The following INTS7 variants were observed in gnomAD, a reference collection of about 807,000 sequenced individuals.
INTS7 encodes the protein integrator complex subunit 7, also known as chromosome 1 open reading frame 73.
A neutral mutation model predicts 109.2 loss-of-function variants in INTS7; 46 were observed. The observed-to-expected ratio is 0.42, with a 90% confidence interval of 0.33 to 0.54. The LOEUF is 0.54. Ranked by LOEUF, INTS7 falls within the 20% of genes least tolerant of loss-of-function variation. The probability of loss-of-function intolerance (pLI) is 0.07; values close to 1 mark genes in which losing one functional copy is unlikely to be tolerated. For synonymous variants in INTS7, 412 were observed against 402.9 expected, an observed-to-expected ratio of 1.02 and a Z score of -0.27; for missense variants, 929 against 1,132.4, an observed-to-expected ratio of 0.82 and a Z score of 2.58.
At chr1:211,994,482 G>A (rs1665287784) in intron 7 of INTS7, among the ~76,000 whole-genome samples, 1 of 144,916 alleles carries the variant, frequency 6.9e-6, no homozygotes, top group African/African-American at 2.6e-5. Flanking sequence ...GGAGTGCAAT[G>A]GCGTGATCTC....
At position 211,942,269 on chromosome 1, in the gene INTS7, G is replaced by C. The variant is rs1662662664; in HGVS notation, c.2602-158C>G. On this transcript the variant is annotated intron_variant, in intron 19 of 19. Coordinates refer to ENST00000366994, the MANE Select transcript of INTS7 (RefSeq NM_015434.4). The surrounding 1 kb of genome is among the most constrained non-coding windows in gnomAD (Gnocchi z 4.2). The stretch of plus-strand genomic sequence containing the variant: ...CTTCACCGATGAGGAGTCTAAGGCA[G>C]ACAGGTTAAGTAATGTCTCCAAAGT... Among the ~76,000 whole-genome samples, 1 of 152,332 alleles carries C rather than the reference G, an allele frequency of 6.6e-6. No individual in the cohort carries two copies. The highest frequency in any genetic ancestry group is 1.9e-4 in the East Asian group (1 of 5,190).
At chr1:211,961,611 T>C (rs1242336711) in intron 16 of INTS7, among the ~76,000 whole-genome samples, 2 of 151,976 alleles carry the variant, frequency 1.3e-5, no homozygotes, top group Non-Finnish European at 2.9e-5. Context: ...GTATTTTTAG[T>C]AGAGACGGGG....
intron 7 of INTS7, among the ~76,000 whole-genome samples, chr1:211,996,381 C>G (rs1665389273): frequency 6.6e-6 from 1 of 152,012 alleles, no homozygotes. Context: ...GAGATAGCAC[C>G]ACAGCACTCC....
At chr1:211,971,248 A>T (rs1664152604) in intron 13 of INTS7, among the ~76,000 whole-genome samples, 1 of 152,208 alleles carries the variant, frequency 6.6e-6, no homozygotes, top group South Asian at 2.1e-4. Context: ...AGATACTGCC[A>T]AATATCCCCT....
At chr1:211,982,364 CA>C (rs1318428538) in intron 9 of INTS7, among the ~76,000 whole-genome samples, 2 of 152,032 alleles carry the variant, frequency 1.3e-5, no homozygotes, top group Non-Finnish European at 2.9e-5. Flanking sequence ...CCACCTTATA[CA>C]AAAGGGGTAG....
Position 211,940,724 on chromosome 1 carries a change from G to C in INTS7, c.*1100C>G, listed in dbSNP as rs1238967398. 6.6e-6 allele frequency: 1 copy of C among 152,166 alleles called. No homozygotes were observed. Among genetic ancestry groups the C allele is most frequent in the African/African-American group, 2.4e-5 (1 of 41,440 alleles). The allele number at this position is 152,166 out of a possible 1,614,324, so 9.4% of individuals were successfully genotyped here. ...ACAAACTGAGCCTGTGTAATAAAGAGACTGCTCTCTCTAAACAATCAGTCT... is the reference window on the plus strand; with the variant it reads ...ACAAACTGAGCCTGTGTAATAAAGACACTGCTCTCTCTAAACAATCAGTCT... On this transcript the variant is annotated 3_prime_UTR_variant, in exon 20 of 20. Transcript: ENST00000366994.
intron 1 of INTS7, among the ~76,000 whole-genome samples, chr1:212,033,774 G>T (rs962015322): frequency 6.6e-6 from 1 of 152,106 alleles, no homozygotes; most frequent in Non-Finnish European, 1.5e-5. Flanking sequence ...AGAATGAGGA[G>T]GAAAGTGTTT....
At chr1:211,992,266 T>C (rs1665179608) in intron 7 of INTS7, among the ~76,000 whole-genome samples, 1 of 152,122 alleles carries the variant, frequency 6.6e-6, no homozygotes, top group African/African-American at 2.4e-5. Flanking sequence ...GATTGCTCTA[T>C]GTATAACAGA....
chr1:212,007,977 C>T (rs1571899917), intron 5 of INTS7, among the ~76,000 whole-genome samples: 2 of 152,176 alleles, frequency 1.3e-5, no homozygotes, highest in East Asian at 3.8e-4. Flanking sequence ...CCCTAATCCA[C>T]GTTTTCCTGT....
chr1:211,955,140 A>C (rs1273225004), intron 16 of INTS7, among the ~76,000 whole-genome samples: 4 of 152,016 alleles, frequency 2.6e-5, no homozygotes, highest in African/African-American at 7.3e-5. Context: ...TAGGTATTTT[A>C]TTCTCTTTGA....
At position 212,035,389 on chromosome 1, in the gene INTS7, C is replaced by T. The variant is rs1012086826; in HGVS notation, c.49G>A (p.Glu17Lys). 6 of 1,613,650 alleles carry T rather than the reference C, an allele frequency of 3.7e-6. No individual in the cohort carries two copies. In the African/African-American group the frequency reaches 6.7e-5, roughly 18 times the overall value. Residue 17 changes from glutamate (E) to lysine (K), a missense_variant, in exon 1 of 20, where the codon GAA (glutamate) becomes AAA (lysine). Physicochemically the swap from Glu to Lys is moderately conservative, Grantham distance 56. This residue lies in a region of INTS7 where 142 missense variants were observed against 231.4 expected (regional missense o/e 0.61). Transcript: ENST00000366994. ...GCAGAGTTGGCATCCAGTTCCTGTT[C>T]GCCATAGCCGGCATCTGCCAGGAAA... ...KSFLADAGYG[E>K]QELDANSALM...
chr1:211,985,823 T>TA (rs1247265253), intron 8 of INTS7, among the ~76,000 whole-genome samples: 1 of 152,194 alleles, frequency 6.6e-6, no homozygotes, highest in Non-Finnish European at 1.5e-5. Context: ...TCATCTATTA[T>TA]ATGATTAAGA....
At chr1:211,977,202 A>C (rs941520532) in intron 11 of INTS7, among the ~76,000 whole-genome samples, 3 of 152,216 alleles carry the variant, frequency 2.0e-5, no homozygotes, top group African/African-American at 7.2e-5. Flanking sequence ...TGGTTACCTG[A>C]GAGAAGGGAG....
At chr1:212,034,574 A>T (rs1667334482) in intron 1 of INTS7, among the ~76,000 whole-genome samples, 1 of 152,238 alleles carries the variant, frequency 6.6e-6, no homozygotes, top group Non-Finnish European at 1.5e-5. Context: ...TTTACTAACA[A>T]ATTTCCGACC....
At chr1:211,961,897 A>G (rs1156294755) in intron 16 of INTS7, among the ~76,000 whole-genome samples, 3 of 152,208 alleles carry the variant, frequency 2.0e-5, no homozygotes, top group Non-Finnish European at 4.4e-5. Flanking sequence ...CTAAATATAG[A>G]AAGGAAAGAC....
rs2102445918 is a variant in INTS7 at position 211,992,863 on chromosome 1, C to T, written c.880-4860G>A. ...TTGTTACCAGGACCATTTTTCATAACAAAAAGGAAAAACTGTCTTTTCAAA... is the reference window on the plus strand; with the variant it reads ...TTGTTACCAGGACCATTTTTCATAATAAAAAGGAAAAACTGTCTTTTCAAA... On this transcript the variant is annotated intron_variant, in intron 7 of 19. Coordinates refer to ENST00000366994, the MANE Select transcript of INTS7 (RefSeq NM_015434.4). Among the ~76,000 whole-genome samples, 2 of 152,142 alleles carry T rather than the reference C, an allele frequency of 1.3e-5. 1 individual carries two copies. The highest frequency in any genetic ancestry group is 4.1e-4 in the South Asian group (2 of 4,820).
intron 1 of INTS7, among the ~76,000 whole-genome samples, chr1:212,032,373 T>C (rs762670880): frequency 6.6e-6 from 1 of 152,190 alleles, no homozygotes; most frequent in Admixed American, 6.5e-5. Flanking sequence ...AGTCAGATCA[T>C]GTCACACACC....
At chr1:211,954,683 G>C (rs1663280758) in intron 16 of INTS7, among the ~76,000 whole-genome samples, 1 of 152,126 alleles carries the variant, frequency 6.6e-6, no homozygotes, top group South Asian at 2.1e-4. Context: ...TTTTTGTCAG[G>C]TTTGTCAAAG....
At position 211,961,263 on chromosome 1, in the gene INTS7, C is replaced by T. The variant is rs59000969; in HGVS notation, c.2183+5167G>A. 4.7e-3 allele frequency among the ~76,000 whole-genome samples: 718 copies of T among 151,772 alleles called. 7 individuals are homozygous for T. The highest frequency in any genetic ancestry group is 0.017 in the African/African-American group (684 of 41,352). ...CCAGTAAGATACTTCACAAGGTCAT[C>T]CTCGAGACATATAATCATGATTCTC... On this transcript the variant is annotated intron_variant, in intron 16 of 19. Transcript: ENST00000366994.
Sources: gnomAD v4.1 joint callset for allele counts (sites outside exome capture counted in the v4.1 genomes callset) on GRCh38, gnomAD v4.1.1 for gene constraint, gnomAD v4.1.1 regional missense constraint, Gnocchi (gnomAD v3.1) non-coding constraint, MANE v1.5 for transcripts, NCBI Gene and HGNC (gene_info 2026-07-23, HGNC 2026-07-21) for gene names.